The following ADGRV1 variants were observed in gnomAD, a reference collection of about 807,000 sequenced individuals.
ADGRV1 encodes adhesion G protein-coupled receptor V1, also known as G-protein coupled receptor 98.
In ADGRV1, 359 loss-of-function variants were observed where a neutral mutation model predicts 596.2. The observed-to-expected ratio is 0.60, with a 90% CI of 0.55 to 0.66. ADGRV1 has a LOEUF of 0.66. Ranked by LOEUF, ADGRV1 falls within the 30% of genes least tolerant of loss-of-function variation. ADGRV1 has a pLI of 0.00. For missense variants in ADGRV1, 7,274 were observed against 7,575.6 expected (o/e 0.96, Z 1.48); for synonymous variants, 2,681 against 2,679.2 (o/e 1.00, Z -0.02).
chr5:90,643,534 C>T (rs116571170), intron 13 of ADGRV1, among the ~76,000 whole-genome samples: 1,845 of 152,210 alleles, frequency 0.012, 30 homozygotes, highest in African/African-American at 0.042. Context: ...ACTAGATCAT[C>T]AGAGATAACA....
intron 79 of ADGRV1, among the ~76,000 whole-genome samples, chr5:90,851,130 TGTGTGAGAGA>T (rs1178475580): frequency 2.5e-5 from 2 of 79,750 alleles, no homozygotes; most frequent in East Asian, 9.4e-4. Context: ...TGTGTGTGTG[TGTGTGAGAGA>T]GAGAGAGAGA....
At chr5:90,928,340 CT>C (rs1321932180) in intron 83 of ADGRV1, among the ~76,000 whole-genome samples, 1 of 151,830 alleles carries the variant, frequency 6.6e-6, no homozygotes, top group Admixed American at 6.6e-5. Context: ...TCTTTTTATT[CT>C]TTTTTCTCTA....
chr5:91,129,614 T>A (rs1030288728), intron 87 of ADGRV1, among the ~76,000 whole-genome samples: 2 of 152,210 alleles, frequency 1.3e-5, no homozygotes, highest in Admixed American at 1.3e-4. Flanking sequence ...GCTGAAGAAA[T>A]GGATTAGTTG....
chr5:90,568,756 A>G (rs981186104), intron 1 of ADGRV1, among the ~76,000 whole-genome samples: 2 of 152,124 alleles, frequency 1.3e-5, no homozygotes, highest in East Asian at 1.9e-4. Context: ...TTTCCCCTCA[A>G]TTTGGTCAGT....
intron 83 of ADGRV1, among the ~76,000 whole-genome samples, chr5:90,876,860 G>T (rs1769265145): frequency 6.6e-6 from 1 of 152,028 alleles, no homozygotes; most frequent in South Asian, 2.1e-4. Flanking sequence ...CAACTATTTA[G>T]TGTCATATGT....
intron 83 of ADGRV1, chr5:90,929,124 G>A (rs889301038): frequency 6.6e-6 from 1 of 152,100 alleles, no homozygotes; most frequent in African/African-American, 2.4e-5. Context: ...AGCCTACAGA[G>A]GCAGGCAGGC....
At chr5:91,082,315 A>T (rs1444115114) in intron 86 of ADGRV1, among the ~76,000 whole-genome samples, 1 of 152,148 alleles carries the variant, frequency 6.6e-6, no homozygotes, top group Non-Finnish European at 1.5e-5. Flanking sequence ...AATAAATTTT[A>T]ATTTTCCTGG....
Position 90,787,478 on chromosome 5 carries a change from G to A in ADGRV1, c.13654-593G>A, listed in dbSNP as rs552428378. ...TAAAATGTTTATATTTCTCTAATAC[G>A]TATTTTAATATAGATTTTTATATGT... On this transcript the variant is annotated intron_variant, in intron 67 of 89. Transcript: ENST00000405460. Among the ~76,000 whole-genome samples, 16 of 151,480 alleles carry A rather than the reference G, an allele frequency of 1.1e-4. No homozygotes were observed. The South Asian group carries it at 2.1e-3, about 20-fold the overall frequency.
At chr5:90,901,121 A>G (rs1356529157) in intron 83 of ADGRV1, among the ~76,000 whole-genome samples, 2 of 152,136 alleles carry the variant, frequency 1.3e-5, no homozygotes, top group Non-Finnish European at 2.9e-5. Context: ...AAGGCATTAG[A>G]CTTTCCTCAG....
chr5:90,876,409 T>C (rs959804947), intron 83 of ADGRV1, among the ~76,000 whole-genome samples: 1 of 152,180 alleles, frequency 6.6e-6, no homozygotes, highest in Non-Finnish European at 1.5e-5. Context: ...AATATCCATG[T>C]AGGCACTGCT....
chr5:90,731,429 C>T (rs1218367757), intron 50 of ADGRV1, among the ~76,000 whole-genome samples: 2 of 152,154 alleles, frequency 1.3e-5, no homozygotes, highest in Admixed American at 1.3e-4. Flanking sequence ...TGGGTTGGGA[C>T]ACAGAGCCAA....
chr5:90,904,909 T>A (rs551815401), intron 83 of ADGRV1, among the ~76,000 whole-genome samples: 2 of 152,114 alleles, frequency 1.3e-5, no homozygotes, highest in Non-Finnish European at 2.9e-5. Flanking sequence ...ATTTGATTTT[T>A]TTTATATGGT....
At chr5:90,726,984 C>T (rs1751877055) in intron 48 of ADGRV1, among the ~76,000 whole-genome samples, 1 of 152,196 alleles carries the variant, frequency 6.6e-6, no homozygotes, top group Admixed American at 6.5e-5. Flanking sequence ...TTGATTTCCA[C>T]TATGAAACTT....
intron 50 of ADGRV1, among the ~76,000 whole-genome samples, chr5:90,733,343 A>G (rs780502987): frequency 8.5e-5 from 13 of 152,202 alleles, no homozygotes; most frequent in Non-Finnish European, 1.8e-4. Context: ...ATATAGAAGC[A>G]TGTGTAGGTG....
At chr5:90,854,451 T>C (rs552692908) in intron 81 of ADGRV1, among the ~76,000 whole-genome samples, 12 of 152,364 alleles carry the variant, frequency 7.9e-5, no homozygotes, top group Non-Finnish European at 1.6e-4. Context: ...TTTCACGGGA[T>C]GTGGCATGAA....
At chr5:91,077,006 C>T (rs560473433) in intron 86 of ADGRV1, among the ~76,000 whole-genome samples, 71 of 152,146 alleles carry the variant, frequency 4.7e-4, no homozygotes, top group Non-Finnish European at 7.3e-4. Flanking sequence ...TACTCTACCA[C>T]GGAGCACTTG....
intron 29 of ADGRV1, among the ~76,000 whole-genome samples, chr5:90,686,637 C>T (rs1745690311): frequency 1.3e-5 from 2 of 152,230 alleles, no homozygotes; most frequent in South Asian, 2.1e-4. Context: ...GGGTTGGTTC[C>T]AAGCCTTTGC....
chr5:90,949,518 G>T lies in ADGRV1; in HGVS notation c.17857-15897G>T, dbSNP rs145711654. The stretch of plus-strand genomic sequence containing the variant: ...GACTATAAAATTAAAAATGAATGGG[G>T]AATTAGTAAGAAACATTATAGATAT... On this transcript the variant is annotated intron_variant, in intron 83 of 89. Coordinates refer to ENST00000405460, the MANE Select transcript of ADGRV1 (RefSeq NM_032119.4). Among the ~76,000 whole-genome samples, 61 of 152,246 alleles carry T rather than the reference G, an allele frequency of 4.0e-4. No individual in the cohort carries two copies. In the East Asian group the frequency reaches 0.01, roughly 26 times the overall value.
intron 86 of ADGRV1, among the ~76,000 whole-genome samples, chr5:91,087,705 G>T (rs1311662293): frequency 6.6e-6 from 1 of 152,218 alleles, no homozygotes; most frequent in Non-Finnish European, 1.5e-5. Flanking sequence ...GGAACTGTTC[G>T]AAGTGTTCCA....
Sources: allele counts gnomAD v4.1 joint callset (sites outside exome capture counted in the v4.1 genomes callset), GRCh38; gene constraint gnomAD v4.1.1; transcripts MANE v1.5; gene names NCBI Gene and HGNC (gene_info 2026-07-23, HGNC 2026-07-21).